The following ADGRL3 variants were observed in gnomAD, a reference collection of about 807,000 sequenced individuals.
The protein encoded by ADGRL3 is adhesion G protein-coupled receptor L3, also known as calcium-independent alpha-latrotoxin receptor 3.
Under a neutral mutation model 153.5 loss-of-function variants are expected in ADGRL3, and 62 were observed. That is an observed-to-expected ratio of 0.40 (90% confidence interval 0.33 to 0.50). ADGRL3 has a LOEUF of 0.50. Ranked by LOEUF, ADGRL3 falls within the 20% of genes least tolerant of loss-of-function variation. The pLI, the probability that ADGRL3 is intolerant of heterozygous loss-of-function variation, is 0.47. For synonymous variants in ADGRL3, 710 were observed against 672.5 expected, an observed-to-expected ratio of 1.06 and a Z score of -0.86; for missense variants, 1,641 against 1,859.4, an observed-to-expected ratio of 0.88 and a Z score of 2.16.
chr4:61,736,209 G>A (rs562001501), intron 8 of ADGRL3, among the ~76,000 whole-genome samples: 3 of 151,762 alleles, frequency 2.0e-5, no homozygotes, highest in African/African-American at 7.3e-5. Flanking sequence ...ACATACATAT[G>A]GGGGGGTAAG....
At position 61,638,248 on chromosome 4, in the gene ADGRL3, A is replaced by T. The variant is rs773861423; in HGVS notation, c.474-38578A>T. 3.9e-5 allele frequency among the ~76,000 whole-genome samples: 6 copies of T among 152,102 alleles called. 1 individual carries two copies. The highest frequency in any genetic ancestry group is 4.2e-4 in the South Asian group (2 of 4,818). ...AGTGATGCATGCAACAAAATGAATG[A>T]CTCTCAGAAACATAATGTTGAATGA... On this transcript the variant is annotated intron_variant, in intron 5 of 26. Transcript: ENST00000683033.
At position 61,318,335 on chromosome 4, in the gene ADGRL3, A is replaced by G. The variant is rs189573490; in HGVS notation, c.-239-64789A>G. Among the ~76,000 whole-genome samples, 5 of 152,186 alleles carry G rather than the reference A, an allele frequency of 3.3e-5. No homozygotes were observed. In the East Asian group the frequency reaches 7.7e-4, roughly 24 times the overall value. ...GGAAGACTCATAAACAGCACTGGAC[A>G]AGAAGACTCAAGATATGAATTTTAG... On this transcript the variant is annotated intron_variant, in intron 1 of 26. Transcript: ENST00000683033.
intron 4 of ADGRL3, among the ~76,000 whole-genome samples, chr4:61,530,338 A>T (rs2098604943): frequency 1.3e-5 from 2 of 151,856 alleles, no homozygotes; most frequent in African/African-American, 4.8e-5. Flanking sequence ...AACTATATGG[A>T]CCAATTTCTA....
At chr4:62,042,374 G>A (rs1413742441) in intron 24 of ADGRL3, among the ~76,000 whole-genome samples, 1 of 151,592 alleles carries the variant, frequency 6.6e-6, no homozygotes, top group Non-Finnish European at 1.5e-5. Flanking sequence ...GATTGTGTGG[G>A]TAGCCTACAG....
intron 4 of ADGRL3, among the ~76,000 whole-genome samples, chr4:61,568,504 C>T (rs916577570): frequency 6.6e-6 from 1 of 152,070 alleles, no homozygotes; most frequent in Non-Finnish European, 1.5e-5. Context: ...AGAAGAAAGG[C>T]ATTGTGAAGT....
chr4:61,907,503 C>T lies in ADGRL3; in HGVS notation c.1888-2057C>T, dbSNP rs571051580. Among the ~76,000 whole-genome samples, 27 of 151,952 alleles carry T rather than the reference C, an allele frequency of 1.8e-4. No individual in the cohort carries two copies. The East Asian group carries it at 2.3e-3, about 13-fold the overall frequency. ...CGAACTCCTGACCTCGTGACCCACC[C>T]GCCTCAGCCTCCCAAAGTGCTGGGA... On this transcript the variant is annotated intron_variant, in intron 11 of 26. Transcript: ENST00000683033.
intron 1 of ADGRL3, among the ~76,000 whole-genome samples, chr4:61,352,575 G>A (rs1342534949): frequency 6.6e-6 from 1 of 151,984 alleles, no homozygotes; most frequent in Non-Finnish European, 1.5e-5. Flanking sequence ...AGTAGAGACA[G>A]GGTCTCACCA....
chr4:61,702,303 A>G (rs554341917), intron 6 of ADGRL3, among the ~76,000 whole-genome samples: 38 of 152,292 alleles, frequency 2.5e-4, no homozygotes, highest in African/African-American at 9.1e-4. Context: ...GTTCTTTCCA[A>G]GGCACTATGC....
chr4:61,928,528 AG>A (rs2150068898), intron 13 of ADGRL3, among the ~76,000 whole-genome samples: 2 of 152,338 alleles, frequency 1.3e-5, no homozygotes, highest in South Asian at 4.1e-4. Context: ...CTCATTCAAC[AG>A]TGCCTTACCT....
At chr4:61,395,721 C>T (rs2096860825) in intron 2 of ADGRL3, among the ~76,000 whole-genome samples, 2 of 151,584 alleles carry the variant, frequency 1.3e-5, no homozygotes, top group South Asian at 4.1e-4. Flanking sequence ...CCAATTATAA[C>T]CCATTTGAAA....
chr4:61,218,515 G>A (rs1743928120), intron 1 of ADGRL3, among the ~76,000 whole-genome samples: 2 of 151,662 alleles, frequency 1.3e-5, no homozygotes, highest in South Asian at 2.1e-4. Context: ...TTTAAGTAGA[G>A]ACGAGATCTT....
intron 6 of ADGRL3, among the ~76,000 whole-genome samples, chr4:61,681,935 A>G (rs1322202556): frequency 2.0e-5 from 3 of 152,026 alleles, no homozygotes; most frequent in Admixed American, 1.3e-4. Context: ...TGCTTCATAT[A>G]TACAGTAGAC....
At chr4:61,833,623 G>A (rs936025123) in intron 9 of ADGRL3, among the ~76,000 whole-genome samples, 1 of 152,136 alleles carries the variant, frequency 6.6e-6, no homozygotes, top group African/African-American at 2.4e-5. Context: ...TCAAGTGCAG[G>A]ATCTGCAAAA....
chr4:61,586,033 A>G (rs569571987), intron 4 of ADGRL3, among the ~76,000 whole-genome samples: 155 of 152,200 alleles, frequency 1.0e-3, no homozygotes, highest in African/African-American at 3.5e-3. Context: ...CCACAGTACA[A>G]GTAAAGTAGT....
chr4:61,589,555 A>T (rs188509903), intron 5 of ADGRL3, among the ~76,000 whole-genome samples: 1 of 152,170 alleles, frequency 6.6e-6, no homozygotes, highest in Admixed American at 6.6e-5. Flanking sequence ...ATGTTTTTTT[A>T]AAAGGTATCT....
intron 1 of ADGRL3, among the ~76,000 whole-genome samples, chr4:61,353,948 C>T (rs186083276): frequency 6.6e-6 from 1 of 152,088 alleles, no homozygotes; most frequent in Admixed American, 6.5e-5. Flanking sequence ...ATGGATTTAA[C>T]ATTCTCATTT....
chr4:61,662,680 A>G (rs186752984), intron 5 of ADGRL3, among the ~76,000 whole-genome samples: 64 of 152,334 alleles, frequency 4.2e-4, no homozygotes, highest in African/African-American at 1.5e-3. Context: ...GGTGGTTCCC[A>G]GTGAAACCCC....
At chr4:61,459,809 G>A (rs766862820) in intron 2 of ADGRL3, among the ~76,000 whole-genome samples, 5 of 151,984 alleles carry the variant, frequency 3.3e-5, no homozygotes, top group Admixed American at 2.0e-4. Context: ...GTGATATTGA[G>A]CATTTTTTTC....
chr4:61,551,270 C>T (rs1039940755), intron 4 of ADGRL3, among the ~76,000 whole-genome samples: 2 of 151,994 alleles, frequency 1.3e-5, no homozygotes, highest in African/African-American at 4.8e-5. Flanking sequence ...AAGGTGTTAT[C>T]AAATGCATAG....
Sources: gnomAD v4.1 joint callset for allele counts (sites outside exome capture counted in the v4.1 genomes callset) on GRCh38, gnomAD v4.1.1 for gene constraint, MANE v1.5 for transcripts, NCBI Gene and HGNC (gene_info 2026-07-23, HGNC 2026-07-21) for gene names.